The following SGPL1 variants were observed in gnomAD, a reference collection of about 807,000 sequenced individuals.
SGPL1 encodes SP-lyase 1.
In SGPL1, 37 loss-of-function variants were observed where a neutral mutation model predicts 68.9. The observed-to-expected ratio is 0.54, with a 90% CI of 0.41 to 0.71. The LOEUF is 0.71. SGPL1 is among the 30% of genes least tolerant of loss of function. SGPL1 has a pLI of 0.00. For synonymous variants in SGPL1, 236 were observed against 248.5 expected (o/e 0.95, Z 0.47); for missense variants, 551 against 704.6 (o/e 0.78, Z 2.47).
rs79098372 is a variant in SGPL1, at chr10:70,834,031, G to A, written c.28-10442G>A. On this transcript the variant is annotated intron_variant, in intron 2 of 14. Coordinates refer to ENST00000373202, the MANE Select transcript of SGPL1 (RefSeq NM_003901.4). The stretch of plus-strand genomic sequence containing the variant: ...CTGACTTTTAACACTTCCCAGGAAA[G>A]CTTCGTGGATGTCTTTTCCCTGCTG... Among the ~76,000 whole-genome samples the A allele has an allele frequency of 7.1e-3, 1,083 of 152,288 alleles. 21 individuals carry two copies. Among genetic ancestry groups the A allele is most frequent in the African/African-American group, 0.025 (1,035 of 41,556 alleles).
chr10:70,826,045 G>C (rs749178645), intron 2 of SGPL1, among the ~76,000 whole-genome samples: 4 of 151,064 alleles, frequency 2.6e-5, no homozygotes, highest in Non-Finnish European at 4.4e-5. Context: ...GCCGGGTGTG[G>C]TGGTGGGTGC....
chr10:70,860,001 T>C (rs939828636), intron 7 of SGPL1, among the ~76,000 whole-genome samples: 1 of 152,238 alleles, frequency 6.6e-6, no homozygotes, highest in Admixed American at 6.5e-5. Flanking sequence ...AGTGTACTTC[T>C]GGTTTTACCT....
At chr10:70,827,404 A>C (rs1346673595) in intron 2 of SGPL1, among the ~76,000 whole-genome samples, 1 of 152,112 alleles carries the variant, frequency 6.6e-6, no homozygotes, top group Non-Finnish European at 1.5e-5. Context: ...ATATTTGCTG[A>C]GATTTTGTTA....
At chr10:70,817,009 ATTTTG>A (rs889951515) in intron 2 of SGPL1, 129 bp downstream of exon 2, 31 of 966,520 alleles carry the variant, frequency 3.2e-5, no homozygotes, top group African/African-American at 4.8e-5. Flanking sequence ...GCCACCTTTT[ATTTTG>A]TTTTGTTTTG....
intron 2 of SGPL1, among the ~76,000 whole-genome samples, chr10:70,834,999 G>A (rs1254493489): frequency 6.7e-6 from 1 of 149,196 alleles, no homozygotes; most frequent in Non-Finnish European, 1.5e-5. Flanking sequence ...GGTGTGCAGA[G>A]TCCAGTTACA....
In SGPL1 at chr10:70,878,071, C is replaced by G. The variant is rs1441328140; in HGVS notation, c.*736C>G. 6.6e-6 allele frequency: 1 copy of G among 152,394 alleles called. No individual in the cohort carries two copies. The highest frequency in any genetic ancestry group is 1.5e-5 in the Non-Finnish European group (1 of 68,278). The allele number at this position is 152,394 out of a possible 1,614,324, so 9.4% of individuals were successfully genotyped here. A position where few individuals can be genotyped will look rare whatever the true frequency, so the allele number is the denominator to read the frequency against. Reference sequence around the variant, plus strand: ...TGACCTCAGGTGATACCCGCCCCCCCGCCTCAGCCTCCCAAAGTGCTGGGA... The same window carrying G: ...TGACCTCAGGTGATACCCGCCCCCCGGCCTCAGCCTCCCAAAGTGCTGGGA... On this transcript the variant is annotated 3_prime_UTR_variant, in exon 15 of 15. Transcript: ENST00000373202.
At chr10:70,840,402 G>A (rs931543545) in intron 2 of SGPL1, among the ~76,000 whole-genome samples, 10 of 152,034 alleles carry the variant, frequency 6.6e-5, no homozygotes, top group African/African-American at 1.2e-4. Flanking sequence ...CCTGGGGTTT[G>A]TGCTGTTTTC....
chr10:70,880,669 C>G lies in SGPL1; in HGVS notation c.*3334C>G, dbSNP rs1292576373. ...GTTTTTCCAAAGTGTTAGTCAGGATCTGAAGGCTGTCATTCAGATAACCCA... is the reference window on the plus strand; with the variant it reads ...GTTTTTCCAAAGTGTTAGTCAGGATGTGAAGGCTGTCATTCAGATAACCCA... On this transcript the variant is annotated 3_prime_UTR_variant, in exon 15 of 15. Transcript: ENST00000373202. 1.3e-5 allele frequency: 2 copies of G among 152,194 alleles called. No homozygotes were observed. Among genetic ancestry groups the G allele is most frequent in the Admixed American group, 6.5e-5 (1 of 15,282 alleles). 9.4% of individuals were successfully genotyped at this position (152,194 alleles called of 1,614,324 possible).
At chr10:70,849,450 G>A (rs1326080921) in intron 3 of SGPL1, among the ~76,000 whole-genome samples, 1 of 152,200 alleles carries the variant, frequency 6.6e-6, no homozygotes, top group Non-Finnish European at 1.5e-5. Context: ...CATAGGGCTA[G>A]AAGGAAATAC....
intron 6 of SGPL1, 57 bp from the exon 7 acceptor site, chr10:70,859,314 C>G: frequency 7.9e-7 from 1 of 1,261,942 alleles, no homozygotes; most frequent in South Asian, 3.1e-5. Flanking sequence ...GTGCATGATT[C>G]TTTGTCCTGT....
chr10:70,872,087 A>G (rs374825811), intron 11 of SGPL1, 101 bp downstream of exon 11: 10 of 1,180,340 alleles, frequency 8.5e-6, no homozygotes, highest in African/African-American at 6.2e-5. Flanking sequence ...TTAACTATAG[A>G]ATTCTCATCA....
chr10:70,844,419 G>T (rs549246203), intron 2 of SGPL1, 54 bp from the exon 3 acceptor site: 6 of 1,524,720 alleles, frequency 3.9e-6, no homozygotes, highest in Non-Finnish European at 4.5e-6. Flanking sequence ...ACTAAGAACA[G>T]ACTTCTTTTC....
chr10:70,875,945 A>C (rs1846377073), intron 13 of SGPL1, among the ~76,000 whole-genome samples: 1 of 152,124 alleles, frequency 6.6e-6, no homozygotes, highest in South Asian at 2.1e-4. Flanking sequence ...TCTTTATTAG[A>C]CTTTTCTAAC....
Position 70,869,835 on chromosome 10 carries a change from AG to A in SGPL1, c.749del (p.Ser250IlefsTer5). The A allele has an allele frequency of 6.2e-7, 1 of 1,614,100 alleles. No individual in the cohort carries two copies. Among genetic ancestry groups the A allele is most frequent in the Non-Finnish European group, 8.5e-7 (1 of 1,179,994 alleles). On this transcript the variant is annotated frameshift_variant, in exon 9 of 15. Coordinates refer to ENST00000373202, the MANE Select transcript of SGPL1 (RefSeq NM_003901.4). LOFTEE classifies it high-confidence loss of function. The part of the protein sequence containing the change: ...SAHAAFNKAA[S>X]YFGMKIVRVP... ...CCATGCTGCATTTAACAAAGCAGCC[AG>A]TTACTTTGGGATGAAGATTGTGCGG...
At position 70,816,828 on chromosome 10, in the gene SGPL1, C is replaced by T. The variant is rs758628412; in HGVS notation, c.-26C>T. 1 of 1,612,816 alleles carries T rather than the reference C, an allele frequency of 6.2e-7. No individual in the cohort carries two copies. The highest frequency in any genetic ancestry group is 8.5e-7 in the Non-Finnish European group (1 of 1,178,930). ...TTTTACAGAGTCTGAAAAAGGGGAG[C>T]GCGGAGAGGAGGCTGGAAGAGGAAG... On this transcript the variant is annotated 5_prime_UTR_variant, in exon 2 of 15. Coordinates refer to ENST00000373202, the MANE Select transcript of SGPL1 (RefSeq NM_003901.4).
chr10:70,871,584 C>T (rs190346178), intron 10 of SGPL1, among the ~76,000 whole-genome samples: 11 of 152,122 alleles, frequency 7.2e-5, no homozygotes, highest in South Asian at 4.2e-4. Context: ...TGCTTGATAC[C>T]GCAGAGCGTT....
chr10:70,825,611 C>G (rs979695819), intron 2 of SGPL1, among the ~76,000 whole-genome samples: 1 of 152,174 alleles, frequency 6.6e-6, no homozygotes, highest in African/African-American at 2.4e-5. Flanking sequence ...CTGCTTTGTT[C>G]CAGTAGTAGC....
chr10:70,816,337 G>C (rs1320893528), intron 1 of SGPL1, among the ~76,000 whole-genome samples: 1 of 151,698 alleles, frequency 6.6e-6, no homozygotes, highest in Admixed American at 6.6e-5. Context: ...GGCCGCGGTG[G>C]GGCGGGTCTG....
At chr10:70,838,615 C>T (rs1244389505) in intron 2 of SGPL1, among the ~76,000 whole-genome samples, 1 of 152,152 alleles carries the variant, frequency 6.6e-6, no homozygotes, top group African/African-American at 2.4e-5. Flanking sequence ...TGTTAGCTCC[C>T]TCACTGTATT....
Sources: gnomAD v4.1 joint callset for allele counts (sites outside exome capture counted in the v4.1 genomes callset) on GRCh38, gnomAD v4.1.1 for gene constraint, MANE v1.5 for transcripts, NCBI Gene and HGNC (gene_info 2026-07-23, HGNC 2026-07-21) for gene names.